RBM45: variants seen among roughly 807,000 people sequenced by gnomAD.
RBM45 encodes the protein RNA binding motif protein 45, also known as RNA-binding protein 45.
A neutral mutation model predicts 58.5 loss-of-function variants in RBM45; 39 were observed. That is an observed-to-expected ratio of 0.67 (90% CI 0.52 to 0.87). The LOEUF is 0.87. Ranked by LOEUF, RBM45 falls within the 40% of genes least tolerant of loss-of-function variation. The pLI, the probability that RBM45 is intolerant of heterozygous loss-of-function variation, is 0.00. For missense variants in RBM45, 481 were observed against 581.6 expected (o/e 0.83, Z 1.78); for synonymous variants, 193 against 203.0 (o/e 0.95, Z 0.42).
intron 5 of RBM45, 84 bp downstream of exon 5, chr2:178,121,443 C>G (rs1372662451): frequency 9.6e-6 from 6 of 623,144 alleles, no homozygotes; most frequent in African/African-American, 8.1e-5. Context: ...CACACACACA[C>G]AGAGTTTTGT....
At chr2:178,116,155 C>T in intron 1 of RBM45, 107 bp from the exon 2 acceptor site, 3 of 1,382,926 alleles carry the variant, frequency 2.2e-6, no homozygotes, top group Non-Finnish European at 2.9e-6. Flanking sequence ...GACCCTGTCT[C>T]AAAGATTAAA....
intron 1 of RBM45, among the ~76,000 whole-genome samples, chr2:178,114,370 A>G (rs767324399): frequency 9.2e-5 from 14 of 152,184 alleles, no homozygotes; most frequent in Non-Finnish European, 1.8e-4. Flanking sequence ...AAACTGTCCC[A>G]TATTTGAAAT....
At chr2:178,126,261 A>C in intron 9 of RBM45, 77 bp downstream of exon 9, 1 of 912,992 alleles carries the variant, frequency 1.1e-6, no homozygotes. Context: ...TACTTTATAA[A>C]CTTTTCTTTT....
intron 3 of RBM45, among the ~76,000 whole-genome samples, chr2:178,135,650 T>C (rs1441338026): frequency 6.6e-6 from 1 of 152,242 alleles, no homozygotes; most frequent in East Asian, 1.9e-4. Context: ...TAGCTATTTG[T>C]AGCAGGAATT....
intron 1 of RBM45, among the ~76,000 whole-genome samples, chr2:178,114,367 C>T (rs928041927): frequency 3.3e-5 from 5 of 152,066 alleles, no homozygotes; most frequent in Non-Finnish European, 7.4e-5. Flanking sequence ...AAAAAACTGT[C>T]CCATATTTGA....
exon 4 of RBM45, chr2:178,137,875 G>C (rs375489056): frequency 6.6e-6 from 1 of 152,150 alleles, no homozygotes; most frequent in African/African-American, 2.4e-5. Flanking sequence ...AATGAGAGAA[G>C]AACAATGTCC....
intron 1 of RBM45, among the ~76,000 whole-genome samples, chr2:178,114,981 A>G (rs141881658): frequency 6.6e-6 from 1 of 152,108 alleles, no homozygotes; most frequent in Non-Finnish European, 1.5e-5. Context: ...ATTCAGCTTC[A>G]ATATTTCTAT....
chr2:178,112,890 C>T, intron 1 of RBM45, 44 bp downstream of exon 1: 1 of 1,569,928 alleles, frequency 6.4e-7, no homozygotes, highest in Non-Finnish European at 8.7e-7. Flanking sequence ...AAGGAGTGGG[C>T]CTCTTGGACC....
chr2:178,115,880 C>T (rs2087766791), intron 1 of RBM45, among the ~76,000 whole-genome samples: 1 of 152,114 alleles, frequency 6.6e-6, no homozygotes, highest in South Asian at 2.1e-4. Context: ...AGGCCCAGCA[C>T]AGTGGCTCAC....
chr2:178,112,473 G>T lies in RBM45; in HGVS notation c.-74G>T, dbSNP rs191876953. The T allele has an allele frequency of 2.3e-3, 3,217 of 1,392,468 alleles. 10 individuals are homozygous for T. Among genetic ancestry groups the T allele is most frequent in the Non-Finnish European group, 2.7e-3 (2,755 of 1,005,950 alleles). The allele number at this position is 1,392,468 out of a possible 1,614,324, so 86.3% of individuals were successfully genotyped here. On this transcript the variant is annotated 5_prime_UTR_variant, in exon 1 of 10. Coordinates refer to ENST00000286070, the MANE Select transcript of RBM45 (RefSeq NM_152945.4). Reference sequence around the variant, plus strand: ...GGAGCACCGAGCCGGCAAAGGCTTGGGTGTGAGACAGCAGCGGTGGCAGAC... The same window carrying T: ...GGAGCACCGAGCCGGCAAAGGCTTGTGTGTGAGACAGCAGCGGTGGCAGAC...
intron 1 of RBM45, among the ~76,000 whole-genome samples, chr2:178,115,257 C>T (rs13408924): frequency 0.26 from 40,173 of 152,030 alleles, 5,407 homozygotes; most frequent in Non-Finnish European, 0.28. Flanking sequence ...AATTATTTTA[C>T]GTATGTTCTA....
At chr2:178,129,268 T>C (rs1384512453) in intron 9 of RBM45, 129 bp from the exon 10 acceptor site, 1 of 152,226 alleles carries the variant, frequency 6.6e-6, no homozygotes, top group Admixed American at 6.5e-5. Flanking sequence ...GGGGCAGCTA[T>C]GATTAAGCAG....
chr2:178,112,648 G>A lies in RBM45; in HGVS notation c.102G>A (p.Lys34=), dbSNP rs1415290202. Residue 34 remains lysine (K), a synonymous_variant, in exon 1 of 10, where the codon AAG becomes AAA. Transcript: ENST00000286070. Reference sequence around the variant, plus strand: ...GCCGCATCTTCCTTGTGATCAGCAAGTACACACCTGAGTCGGTGCTGAGGG... The same window carrying A: ...GCCGCATCTTCCTTGTGATCAGCAAATACACACCTGAGTCGGTGCTGAGGG... The part of the protein sequence containing the change: ...PNSRIFLVIS[K]YTPESVLRER... The A allele has an allele frequency of 6.2e-7, 1 of 1,614,232 alleles. No individual in the cohort carries two copies. Among genetic ancestry groups the A allele is most frequent in the Non-Finnish European group, 8.5e-7 (1 of 1,180,036 alleles).
At chr2:178,138,885 G>A (rs751431355) in exon 4 of RBM45, 1 of 151,766 alleles carries the variant, frequency 6.6e-6, no homozygotes, top group Non-Finnish European at 1.5e-5. Context: ...GGTGGGTGAG[G>A]GGTAAAATCC....
At chr2:178,128,351 G>C (rs985491359) in intron 9 of RBM45, among the ~76,000 whole-genome samples, 1 of 152,006 alleles carries the variant, frequency 6.6e-6, no homozygotes. Flanking sequence ...GAGAGACAAT[G>C]AGTCAACAAA....
intron 3 of RBM45, among the ~76,000 whole-genome samples, chr2:178,118,553 C>G (rs2087808138): frequency 6.6e-6 from 1 of 151,842 alleles, no homozygotes; most frequent in Non-Finnish European, 1.5e-5. Flanking sequence ...ATCTACATCC[C>G]AAAGACTATA....
At chr2:178,128,968 G>T (rs2153906623) in intron 9 of RBM45, among the ~76,000 whole-genome samples, 1 of 152,098 alleles carries the variant, frequency 6.6e-6, no homozygotes, top group Middle Eastern at 3.4e-3. Context: ...TTTTTAAAAG[G>T]CTGCAAACAC....
chr2:178,123,859 G>A lies in RBM45; in HGVS notation c.1015G>A (p.Ala339Thr). Residue 339 changes from alanine to threonine, a missense_variant, in exon 7 of 10, where the codon GCT becomes ACT. By Grantham distance (58) the Ala-to-Thr change is moderately conservative (BLOSUM62 0). Transcript: ENST00000286070. ...LLRKMATQMV[A>T]AQLASMVWNN... ...TAGAAAAATGGCAACACAGATGGTAGCTGCACAGCTTGCATCAATGGTGTG... is the reference window on the plus strand; with the variant it reads ...TAGAAAAATGGCAACACAGATGGTAACTGCACAGCTTGCATCAATGGTGTG... 1 of 1,614,046 alleles carries A rather than the reference G, an allele frequency of 6.2e-7. No individual in the cohort carries two copies. Among genetic ancestry groups the A allele is most frequent in the Non-Finnish European group, 8.5e-7 (1 of 1,179,950 alleles).
downstream of RBM45, among the ~76,000 whole-genome samples, chr2:178,132,609 A>T (rs2886655): frequency 3.2e-4 from 47 of 146,590 alleles, no homozygotes; most frequent in East Asian, 3.0e-3. Flanking sequence ...TGTTTGTTTG[A>T]GACAGAGTTT....
Sources: allele counts gnomAD v4.1 joint callset (sites outside exome capture counted in the v4.1 genomes callset), GRCh38; gene constraint gnomAD v4.1.1; transcripts MANE v1.5; gene names NCBI Gene and HGNC (gene_info 2026-07-23, HGNC 2026-07-21).